The following CDCA5 variants were observed in gnomAD, a reference collection of about 807,000 sequenced individuals.
CDCA5 encodes the protein sororin.
Under a neutral mutation model 25.7 loss-of-function variants are expected in CDCA5, and 14 were observed. The observed-to-expected ratio is 0.54, with a 90% CI of 0.36 to 0.85. The LOEUF (loss-of-function observed/expected upper bound fraction) is 0.85, where lower values mean the gene tolerates loss of function less well. Ranked by LOEUF, CDCA5 falls within the 40% of genes least tolerant of loss-of-function variation. The pLI is 0.01. For synonymous variants in CDCA5, 127 were observed against 128.7 expected, an observed-to-expected ratio of 0.99 and a Z score of 0.09; for missense variants, 307 against 324.5, an observed-to-expected ratio of 0.95 and a Z score of 0.41.
In CDCA5 at chr11:65,083,416, C is replaced by G; in HGVS notation, c.208-17G>C. 6.2e-7 allele frequency: 1 copy of G among 1,614,112 alleles called. No homozygotes were observed. The highest frequency in any genetic ancestry group is 8.5e-7 in the Non-Finnish European group (1 of 1,179,990). The stretch of plus-strand genomic sequence containing the variant: ...AGCTGGGACCTGCGGGGGACAATAC[C>G]AATTGATCACATAGCTGGTCCCCAG... On this transcript the variant is annotated splice_polypyrimidine_tract_variant and intron_variant, in intron 3 of 5. Coordinates refer to ENST00000275517, the MANE Select transcript of CDCA5 (RefSeq NM_080668.4).
downstream of CDCA5, among the ~76,000 whole-genome samples, chr11:65,076,695 A>C (rs1311425732): frequency 6.6e-6 from 1 of 152,188 alleles, no homozygotes; most frequent in Non-Finnish European, 1.5e-5. Context: ...GTAGGGTCCT[A>C]GCCTTACCTA....
At chr11:65,076,531 C>T (rs959609321), downstream of CDCA5, among the ~76,000 whole-genome samples, 5 of 152,152 alleles carry the variant, frequency 3.3e-5, no homozygotes, top group Non-Finnish European at 7.3e-5. Flanking sequence ...GAAAGGCTAG[C>T]CTTGAAGAGG....
chr11:65,068,446 C>T (rs1590785859), intron 2 of CDCA5: 1 of 1,155,766 alleles, frequency 8.7e-7, no homozygotes, highest in Non-Finnish European at 1.1e-6. Context: ...TCTCCTGCCT[C>T]CCCTGCCCAC....
At chr11:65,072,537 C>T (rs184805698), downstream of CDCA5, among the ~76,000 whole-genome samples, 4 of 152,324 alleles carry the variant, frequency 2.6e-5, no homozygotes, top group African/African-American at 9.6e-5. Flanking sequence ...CTGTGGGAGG[C>T]TCATGACTGA....
intron 4 of CDCA5, among the ~76,000 whole-genome samples, chr11:65,081,412 T>C (rs1400859530): frequency 6.8e-6 from 1 of 148,082 alleles, no homozygotes; most frequent in Non-Finnish European, 1.5e-5. Flanking sequence ...TGGGTGACAG[T>C]GCGAGACTCC....
intron 6 of CDCA5, chr11:65,066,548 A>G (rs1947240925): frequency 7.8e-7 from 1 of 1,289,214 alleles, no homozygotes; most frequent in African/African-American, 1.5e-5. Flanking sequence ...GGCTGCCCGC[A>G]CACCTGAGCA....
At chr11:65,081,715 C>A (rs1330871311) in intron 4 of CDCA5, among the ~76,000 whole-genome samples, 2 of 152,104 alleles carry the variant, frequency 1.3e-5, no homozygotes, top group African/African-American at 2.4e-5. Context: ...CCTGTAATCC[C>A]AACACTTTAG....
exon 6 of CDCA5, chr11:65,066,640 C>A (rs750769216): frequency 7.8e-7 from 1 of 1,289,148 alleles, no homozygotes; most frequent in South Asian, 1.2e-5. Context: ...TCCTGGATGG[C>A]CTGGGCTCCC....
At chr11:65,068,516 G>C in exon 2 of CDCA5, 1 of 1,289,396 alleles carries the variant, frequency 7.8e-7, no homozygotes, top group South Asian at 1.2e-5. Context: ...GGAAGCCTGA[G>C]GGCCCTTGGG....
chr11:65,081,721 T>C (rs1347416651), intron 4 of CDCA5, among the ~76,000 whole-genome samples: 3 of 152,034 alleles, frequency 2.0e-5, no homozygotes, highest in Non-Finnish European at 2.9e-5. Context: ...ATCCCAACAC[T>C]TTAGGAGGCC....
At chr11:65,062,154 A>G (rs1339906220), downstream of CDCA5, among the ~76,000 whole-genome samples, 1 of 152,070 alleles carries the variant, frequency 6.6e-6, no homozygotes, top group African/African-American at 2.4e-5. Flanking sequence ...TCCCAACCTC[A>G]GGTGATCCGC....
At chr11:65,066,386 G>A in exon 7 of CDCA5, 1 of 1,198,290 alleles carries the variant, frequency 8.3e-7, no homozygotes, top group South Asian at 1.5e-5. Flanking sequence ...CTGGCCTGGG[G>A]CCTGGCCAGG....
downstream of CDCA5, among the ~76,000 whole-genome samples, chr11:65,072,823 T>C (rs1303255327): frequency 1.3e-5 from 2 of 152,038 alleles, no homozygotes; most frequent in African/African-American, 2.4e-5. Context: ...GGTGCTATGA[T>C]GGAGGTCTGT....
chr11:65,067,045 T>C (rs1289791084), intron 4 of CDCA5, among the ~76,000 whole-genome samples: 1 of 152,190 alleles, frequency 6.6e-6, no homozygotes, highest in African/African-American at 2.4e-5. Flanking sequence ...ACAGGTGGGA[T>C]GGGAATTGTT....
chr11:65,083,991 G>T lies in CDCA5; in HGVS notation c.-13C>A, dbSNP rs775947881. On this transcript the variant is annotated 5_prime_UTR_variant, in exon 1 of 6. Coordinates refer to ENST00000275517, the MANE Select transcript of CDCA5 (RefSeq NM_080668.4). ...GCCTCCCAGACATAACTTAGGCTCC[G>T]TCTCGAGCTCCTCCAGCGCCGCCGC... The T allele has an allele frequency of 1.9e-6, 3 of 1,607,650 alleles. No homozygotes were observed. The highest frequency in any genetic ancestry group is 2.2e-5 in the East Asian group (1 of 44,784).
chr11:65,067,649 G>C, intron 4 of CDCA5: 1 of 1,289,112 alleles, frequency 7.8e-7, no homozygotes, highest in Non-Finnish European at 1.0e-6. Flanking sequence ...TGCCCGCCCA[G>C]ATCACCTCAT....
downstream of CDCA5, among the ~76,000 whole-genome samples, chr11:65,062,032 T>A (rs1001161516): frequency 6.8e-6 from 1 of 147,864 alleles, no homozygotes; most frequent in African/African-American, 2.5e-5. Flanking sequence ...GTGATTCTCC[T>A]GCCTCAGCCT....
At position 65,084,040 on chromosome 11, in the gene CDCA5, G is replaced by A; in HGVS notation, c.-62C>T. The A allele has an allele frequency of 1.3e-6, 2 of 1,559,772 alleles. No homozygotes were observed. The highest frequency in any genetic ancestry group is 1.7e-6 in the Non-Finnish European group (2 of 1,147,878). On this transcript the variant is annotated 5_prime_UTR_variant, in exon 1 of 6. Transcript: ENST00000275517. ...GCCCCGGGCGCGCGCCAACCGGGAA[G>A]GCCACTCGCTGCAAAAAACGTTCGA... is the stretch of plus-strand genomic sequence containing the variant.
At chr11:65,073,519 G>A (rs900305598), downstream of CDCA5, among the ~76,000 whole-genome samples, 7 of 152,170 alleles carry the variant, frequency 4.6e-5, no homozygotes, top group African/African-American at 1.4e-4. Context: ...CAGGAGTGGG[G>A]AAAGACACGA....
Sources: allele counts gnomAD v4.1 joint callset (sites outside exome capture counted in the v4.1 genomes callset), GRCh38; gene constraint gnomAD v4.1.1; transcripts MANE v1.5; gene names NCBI Gene and HGNC (gene_info 2026-07-23, HGNC 2026-07-21).